Variants in PDS5B observed in about 807,000 individuals in gnomAD.
The protein encoded by PDS5B is sister chromatid cohesion protein PDS5 homolog B.
Under a neutral mutation model 184.1 loss-of-function variants are expected in PDS5B, and 51 were observed. The observed-to-expected ratio is 0.28, with a 90% CI of 0.22 to 0.35. PDS5B has a LOEUF of 0.35. PDS5B is among the 10% of genes least tolerant of loss of function. The pLI is 1.00. For synonymous variants in PDS5B, 566 were observed against 569.2 expected, an observed-to-expected ratio of 0.99 and a Z score of 0.08; for missense variants, 1,180 against 1,723.3, an observed-to-expected ratio of 0.68 and a Z score of 5.58.
chr13:32,738,531 T>C (rs1953421491), intron 21 of PDS5B, among the ~76,000 whole-genome samples: 1 of 152,228 alleles, frequency 6.6e-6, no homozygotes, highest in Non-Finnish European at 1.5e-5. Context: ...CCTTGGTGTT[T>C]TTTTCCCATA....
At chr13:32,726,478 G>T (rs1436917711) in intron 19 of PDS5B, among the ~76,000 whole-genome samples, 3 of 152,150 alleles carry the variant, frequency 2.0e-5, no homozygotes, top group Non-Finnish European at 2.9e-5. Context: ...GTAAATGCAT[G>T]TACAATTTTG....
intron 19 of PDS5B, among the ~76,000 whole-genome samples, chr13:32,730,164 G>T (rs572439820): frequency 6.6e-6 from 1 of 152,246 alleles, no homozygotes; most frequent in African/African-American, 2.4e-5. Context: ...TTCTGCATAT[G>T]GCTGGCCAGT....
chr13:32,728,688 T>G (rs1952995757), intron 19 of PDS5B, among the ~76,000 whole-genome samples: 1 of 152,310 alleles, frequency 6.6e-6, no homozygotes, highest in South Asian at 2.1e-4. Context: ...TGCGATAAGC[T>G]GGGCAGTAAA....
intron 19 of PDS5B, among the ~76,000 whole-genome samples, chr13:32,724,522 A>G (rs1197500474): frequency 1.3e-5 from 2 of 152,046 alleles, no homozygotes; most frequent in Admixed American, 6.6e-5. Context: ...AGAGTTTCCC[A>G]TAGACTGATT....
intron 1 of PDS5B, among the ~76,000 whole-genome samples, chr13:32,644,865 G>T (rs1244111739): frequency 6.6e-6 from 1 of 152,130 alleles, no homozygotes; most frequent in Non-Finnish European, 1.5e-5. Context: ...TTTTAAGCCT[G>T]TTGATGTGAT....
intron 2 of PDS5B, 150 bp from the exon 3 acceptor site, chr13:32,651,654 A>G (rs1950368970): frequency 5.6e-6 from 3 of 538,350 alleles, no homozygotes; most frequent in South Asian, 2.9e-5. Flanking sequence ...TAGTTTTAGG[A>G]GAATTGTGTT....
chr13:32,716,777 C>T (rs1386302810), intron 19 of PDS5B, among the ~76,000 whole-genome samples: 5 of 135,536 alleles, frequency 3.7e-5, no homozygotes, highest in East Asian at 2.2e-4. Flanking sequence ...CCAGCCGCCC[C>T]GTCCGGGAGG....
chr13:32,696,753 T>A, intron 14 of PDS5B, 101 bp from the exon 15 acceptor site: 1 of 767,980 alleles, frequency 1.3e-6, no homozygotes, highest in Non-Finnish European at 2.3e-6. Context: ...AGCATGGGTC[T>A]GCAGCATTTA....
chr13:32,727,403 A>G (rs189725566), intron 19 of PDS5B, among the ~76,000 whole-genome samples: 1 of 152,014 alleles, frequency 6.6e-6, no homozygotes, highest in Admixed American at 6.5e-5. Flanking sequence ...GTCACTTTTC[A>G]TTTGTTGGAT....
intron 1 of PDS5B, among the ~76,000 whole-genome samples, chr13:32,631,044 T>C (rs2183874): frequency 0.01 from 1,561 of 152,056 alleles, 38 homozygotes; most frequent in African/African-American, 0.035. Context: ...CCACCTGCCT[T>C]GGCCTTCCAA....
intron 7 of PDS5B, among the ~76,000 whole-genome samples, chr13:32,672,280 T>G (rs1416904697): frequency 6.8e-6 from 1 of 146,256 alleles, no homozygotes; most frequent in African/African-American, 2.6e-5. Context: ...TTCTTCCATA[T>G]GTACTAAGGT....
chr13:32,634,841 A>G lies in PDS5B; in HGVS notation c.-19-13913A>G, dbSNP rs565045557. 1.6e-4 allele frequency among the ~76,000 whole-genome samples: 25 copies of G among 152,288 alleles called. No individual in the cohort carries two copies. The East Asian group carries it at 4.8e-3, about 29-fold the overall frequency. On this transcript the variant is annotated intron_variant, in intron 1 of 34. Coordinates refer to ENST00000315596, the MANE Select transcript of PDS5B (RefSeq NM_015032.4). ...TGTGATCCACCCGCCTCGGCCTCCC[A>G]GAGTGCTGGGATTACAGGCATGAGC...
intron 7 of PDS5B, among the ~76,000 whole-genome samples, chr13:32,669,362 G>T (rs140607686): frequency 2.6e-5 from 4 of 151,284 alleles, no homozygotes; most frequent in African/African-American, 9.7e-5. Flanking sequence ...AGAAAAGAAC[G>T]CTATACTGTA....
intron 24 of PDS5B, among the ~76,000 whole-genome samples, chr13:32,746,846 G>A (rs1048267054): frequency 6.6e-6 from 1 of 152,118 alleles, no homozygotes; most frequent in African/African-American, 2.4e-5. Context: ...CTTTGCAAAT[G>A]ACCCAAAAAT....
chr13:32,684,958 A>G (rs1593423219), intron 11 of PDS5B, among the ~76,000 whole-genome samples: 1 of 152,304 alleles, frequency 6.6e-6, no homozygotes, highest in East Asian at 1.9e-4. Flanking sequence ...CTAAAAATAC[A>G]AAAATTTAGC....
chr13:32,694,336 T>A, intron 14 of PDS5B, 32 bp downstream of exon 14: 1 of 1,282,078 alleles, frequency 7.8e-7, no homozygotes. Flanking sequence ...CAATGTTTTT[T>A]AAAACACATG....
At chr13:32,634,206 TAGAAA>T (rs1734623606) in intron 1 of PDS5B, among the ~76,000 whole-genome samples, 1 of 152,168 alleles carries the variant, frequency 6.6e-6, no homozygotes, top group African/African-American at 2.4e-5. Flanking sequence ...TTAAATTTCT[TAGAAA>T]AGAAAGAAAA....
In PDS5B at chr13:32,770,257, A is replaced by G; in HGVS notation, c.3761A>G (p.His1254Arg). 1 of 1,614,112 alleles carries G rather than the reference A, an allele frequency of 6.2e-7. No homozygotes were observed. The highest frequency in any genetic ancestry group is 8.5e-7 in the Non-Finnish European group (1 of 1,180,016). ...AGTCAGCGAAGTCGGAAAAGAGGCC[A>G]TACGGCTTCAGAATCTGATGAACAG... ...KGSQRSRKRG[H>R]TASESDEQQW... The change falls in exon 32 of 35, where the codon CAT becomes CGT. Residue 1254 changes from histidine to arginine, a missense_variant. Physicochemically the swap from His to Arg is conservative, Grantham distance 29 (BLOSUM62 0). This residue lies in a region of PDS5B where 465 missense variants were observed against 497.8 expected (regional missense o/e 0.93). Transcript: ENST00000315596.
At chr13:32,663,326 C>G (rs4942792) in intron 6 of PDS5B, among the ~76,000 whole-genome samples, 47,384 of 140,524 alleles carry the variant, frequency 0.34, 8,997 homozygotes, top group Non-Finnish European at 0.45. Context: ...GCAAACCAAG[C>G]AAGAAAAAAA....
Sources: gnomAD v4.1 joint callset for allele counts (sites outside exome capture counted in the v4.1 genomes callset) on GRCh38, gnomAD v4.1.1 for gene constraint, gnomAD v4.1.1 regional missense constraint, MANE v1.5 for transcripts, NCBI Gene and HGNC (gene_info 2026-07-23, HGNC 2026-07-21) for gene names.